Variants in TRPM3 observed in about 807,000 individuals in gnomAD.
The protein encoded by TRPM3 is long transient receptor potential channel 3.
A neutral mutation model predicts 181.2 loss-of-function variants in TRPM3; 77 were observed. The ratio of observed to expected loss-of-function variants is 0.42; its 90% CI spans 0.35 to 0.51. The LOEUF (loss-of-function observed/expected upper bound fraction) is 0.51, where lower values mean the gene tolerates loss of function less well. Among genes scored for constraint, TRPM3 ranks in the 20% least tolerant of loss-of-function variants. The probability of loss-of-function intolerance (pLI) is 0.01; values close to 1 mark genes in which losing one functional copy is unlikely to be tolerated. For missense variants in TRPM3, 1,759 were observed against 2,196.7 expected (o/e 0.80, Z 3.98); for synonymous variants, 745 against 796.4 (o/e 0.94, Z 1.09).
intron 8 of TRPM3, among the ~76,000 whole-genome samples, chr9:70,692,420 T>C (rs944682155): frequency 2.0e-5 from 3 of 152,216 alleles, no homozygotes; most frequent in African/African-American, 7.2e-5. Context: ...AATTGCCTCG[T>C]AGCTAGAAAT....
intron 8 of TRPM3, among the ~76,000 whole-genome samples, chr9:70,694,080 ACT>A (rs1339669665): frequency 6.6e-6 from 1 of 151,918 alleles, no homozygotes; most frequent in African/African-American, 2.4e-5. Flanking sequence ...CACTTTAGAG[ACT>A]CTGAGAGACT....
chr9:71,390,461 A>G (rs1321620847), intron 1 of TRPM3, among the ~76,000 whole-genome samples: 2 of 152,030 alleles, frequency 1.3e-5, no homozygotes, highest in African/African-American at 4.8e-5. Context: ...TATTCTGATC[A>G]TTTTGAATAC....
rs147740834 is a variant in TRPM3, at chr9:71,318,098, A to G, written c.183+128555T>C. 3.4e-3 allele frequency among the ~76,000 whole-genome samples: 514 copies of G among 152,258 alleles called. 5 individuals are homozygous for G. Among genetic ancestry groups the G allele is most frequent in the African/African-American group, 0.012 (487 of 41,558 alleles). On this transcript the variant is annotated intron_variant, in intron 1 of 24. Coordinates refer to the TRPM3 transcript ENST00000357533. ...GACCCTGTCTCTACAAAAAACAAAC[A>G]AAAAAATACAGTGGGGAAAAAAATA...
chr9:71,346,372 G>T (rs1452658956), intron 1 of TRPM3, among the ~76,000 whole-genome samples: 2 of 152,096 alleles, frequency 1.3e-5, no homozygotes, highest in Non-Finnish European at 2.9e-5. Flanking sequence ...ATCTCACTGT[G>T]TCCTGGGTTT....
chr9:70,933,016 A>C (rs2096790551), intron 1 of TRPM3, among the ~76,000 whole-genome samples: 1 of 152,156 alleles, frequency 6.6e-6, no homozygotes, highest in African/African-American at 2.4e-5. Context: ...TTGATGTATG[A>C]GGTGCAAAAG....
chr9:71,238,056 GT>G lies in TRPM3; in HGVS notation c.183+208596del, dbSNP rs2081464917. 1.3e-5 allele frequency among the ~76,000 whole-genome samples: 2 copies of G among 152,124 alleles called. 1 individual carries two copies. The highest frequency in any genetic ancestry group is 4.1e-4 in the South Asian group (2 of 4,836). ...GCGTGTATCTGTCAAACTTCTGATT[GT>G]TCACTACAATGAAGAATTGGCTGAA... is the stretch of plus-strand genomic sequence containing the variant. On this transcript the variant is annotated intron_variant, in intron 1 of 24. Coordinates refer to the TRPM3 transcript ENST00000357533.
intron 1 of TRPM3, among the ~76,000 whole-genome samples, chr9:70,905,464 G>T (rs527825056): frequency 6.6e-6 from 1 of 152,022 alleles, no homozygotes; most frequent in African/African-American, 2.4e-5. Context: ...TTTACAAACC[G>T]ACTGAGGGTG....
intron 3 of TRPM3, among the ~76,000 whole-genome samples, chr9:70,850,985 TAAAA>T (rs920808778): frequency 1.3e-5 from 2 of 152,192 alleles, no homozygotes; most frequent in African/African-American, 4.8e-5. Flanking sequence ...AAAATACTCC[TAAAA>T]TTATTTGCCC....
intron 1 of TRPM3, among the ~76,000 whole-genome samples, chr9:71,343,614 T>C (rs918100671): frequency 6.6e-6 from 1 of 152,116 alleles, no homozygotes; most frequent in African/African-American, 2.4e-5. Flanking sequence ...TTACAGAAAG[T>C]AATTTCATAA....
At position 70,794,450 on chromosome 9, in the gene TRPM3, C is replaced by T. The variant is rs183232078; in HGVS notation, c.974-10171G>A. Among the ~76,000 whole-genome samples, 3 of 152,288 alleles carry T rather than the reference C, an allele frequency of 2.0e-5. 1 individual carries two copies. Among genetic ancestry groups the T allele is most frequent in the Admixed American group, 2.0e-4 (3 of 15,300 alleles). ...GCTTGGCCTTTTGCCTGCTCCCTTC[C>T]TGGCAACATGGACCCCAAGACTTGC... On this transcript the variant is annotated intron_variant, in intron 6 of 25. Transcript: ENST00000677713.
chr9:70,963,362 A>T (rs10511993), intron 1 of TRPM3, among the ~76,000 whole-genome samples: 16,354 of 152,222 alleles, frequency 0.11, 1,020 homozygotes, highest in Non-Finnish European at 0.14. Context: ...AGCTAGACAC[A>T]CCAAACAATA....
intron 22 of TRPM3, among the ~76,000 whole-genome samples, chr9:70,564,930 C>T (rs1285412673): frequency 4.6e-5 from 7 of 152,232 alleles, no homozygotes; most frequent in Middle Eastern, 3.2e-3. Flanking sequence ...GCTCACGGTT[C>T]AGGCTCGAAT....
chr9:71,432,377 T>G (rs972570553), intron 1 of TRPM3, among the ~76,000 whole-genome samples: 1 of 146,774 alleles, frequency 6.8e-6, no homozygotes, highest in African/African-American at 2.6e-5. Flanking sequence ...CTGCATACAT[T>G]TTCATGGCCT....
chr9:71,116,901 G>C (rs12003125), intron 1 of TRPM3, among the ~76,000 whole-genome samples: 4,980 of 152,206 alleles, frequency 0.033, 289 homozygotes, highest in African/African-American at 0.11. Flanking sequence ...TCATTAATGA[G>C]ATGAGTGAGA....
chr9:70,584,858 G>A (rs900855969), intron 22 of TRPM3, among the ~76,000 whole-genome samples: 2 of 152,194 alleles, frequency 1.3e-5, no homozygotes, highest in African/African-American at 4.8e-5. Context: ...TGTGGGCACA[G>A]CAAAGCCTCA....
intron 1 of TRPM3, among the ~76,000 whole-genome samples, chr9:71,352,641 A>G (rs1277800722): frequency 6.6e-6 from 1 of 152,208 alleles, no homozygotes; most frequent in Non-Finnish European, 1.5e-5. Context: ...TTTTTGCCAC[A>G]AGTCTTTATA....
At chr9:71,358,667 G>T (rs2092011097) in intron 1 of TRPM3, among the ~76,000 whole-genome samples, 1 of 152,178 alleles carries the variant, frequency 6.6e-6, no homozygotes, top group African/African-American at 2.4e-5. Context: ...CAGAACAGAA[G>T]GTGTAGTTAG....
At chr9:71,095,479 C>T (rs1194958514) in intron 1 of TRPM3, among the ~76,000 whole-genome samples, 5 of 152,056 alleles carry the variant, frequency 3.3e-5, no homozygotes, top group Non-Finnish European at 7.4e-5. Context: ...GAATTTGAGG[C>T]CAGGTGCGGT....
At chr9:71,050,878 A>C (rs1422965835) in intron 1 of TRPM3, among the ~76,000 whole-genome samples, 2 of 151,550 alleles carry the variant, frequency 1.3e-5, no homozygotes, top group Admixed American at 6.6e-5. Context: ...ATGCATTTAT[A>C]ATACAGTGAG....
Sources: gnomAD v4.1 joint callset for allele counts (sites outside exome capture counted in the v4.1 genomes callset) on GRCh38, gnomAD v4.1.1 for gene constraint, MANE v1.5 for transcripts, NCBI Gene and HGNC (gene_info 2026-07-23, HGNC 2026-07-21) for gene names.